The following ZFAND6 variants were observed in gnomAD, a reference collection of about 807,000 sequenced individuals.
The protein encoded by ZFAND6 is zinc finger AN1-type containing 6.
Under a neutral mutation model 24.5 loss-of-function variants are expected in ZFAND6, and 12 were observed. The ratio of observed to expected loss-of-function variants is 0.49; its 90% CI spans 0.31 to 0.79. The LOEUF (loss-of-function observed/expected upper bound fraction) is 0.79. Among genes scored for constraint, ZFAND6 ranks in the 30% least tolerant of loss-of-function variants. The pLI, the probability that ZFAND6 is intolerant of heterozygous loss-of-function variation, is 0.04. For missense variants in ZFAND6, 207 were observed against 245.9 expected, an observed-to-expected ratio of 0.84 and a Z score of 1.06; for synonymous variants, 92 against 81.5, an observed-to-expected ratio of 1.13 and a Z score of -0.69.
chr15:80,090,348 C>T (rs532999436), intron 1 of ZFAND6, among the ~76,000 whole-genome samples: 8 of 152,194 alleles, frequency 5.3e-5, no homozygotes, highest in Non-Finnish European at 1.0e-4. Context: ...TGGAGTCAGA[C>T]TCTCTGGGTT....
intron 1 of ZFAND6, among the ~76,000 whole-genome samples, chr15:80,080,387 A>AC (rs1392899378): frequency 1.3e-5 from 2 of 152,206 alleles, no homozygotes; most frequent in Admixed American, 6.5e-5. Context: ...ATGTTTGAAG[A>AC]CCCACTGTGG....
intron 1 of ZFAND6, among the ~76,000 whole-genome samples, chr15:80,082,415 C>G (rs139511594): frequency 6.6e-6 from 1 of 152,198 alleles, no homozygotes; most frequent in East Asian, 1.9e-4. Context: ...GACAAATTGA[C>G]AAAGGTTATG....
chr15:80,067,907 T>C (rs1214390889), intron 1 of ZFAND6, among the ~76,000 whole-genome samples: 4 of 152,170 alleles, frequency 2.6e-5, no homozygotes, highest in Non-Finnish European at 5.9e-5. Flanking sequence ...AGTAGTGATA[T>C]TTTACATGTA....
intron 2 of ZFAND6, chr15:80,111,601 A>G (rs999189283): frequency 6.7e-6 from 3 of 449,362 alleles, no homozygotes; most frequent in Non-Finnish European, 1.3e-5. Flanking sequence ...GCAATATAGG[A>G]TAAGTATATA....
At chr15:80,065,001 C>CTTTTTTTT (rs1567046368) in intron 1 of ZFAND6, among the ~76,000 whole-genome samples, 3 of 133,554 alleles carry the variant, frequency 2.2e-5, no homozygotes, top group African/African-American at 2.7e-5. Context: ...TCTCTCTCCC[C>CTTTTTTTT]CTTTTTTTTT....
intron 1 of ZFAND6, among the ~76,000 whole-genome samples, chr15:80,062,523 ATG>A (rs1294440802): frequency 4.0e-5 from 6 of 151,834 alleles, no homozygotes; most frequent in South Asian, 2.1e-4. Context: ...GTGTGTTTTT[ATG>A]TGTTTCATGT....
intron 1 of ZFAND6, among the ~76,000 whole-genome samples, chr15:80,079,293 T>C (rs1419592980): frequency 6.6e-6 from 1 of 152,022 alleles, no homozygotes; most frequent in Non-Finnish European, 1.5e-5. Flanking sequence ...CGATCTCGGC[T>C]CACTGCAAGC....
chr15:80,122,887 C>CT, intron 5 of ZFAND6, 87 bp downstream of exon 5: 1 of 900,296 alleles, frequency 1.1e-6, no homozygotes, highest in South Asian at 1.9e-5. Flanking sequence ...AAATTGCCAG[C>CT]TTAAAATACA....
At chr15:80,133,198 T>TG (rs1567102952) in intron 6 of ZFAND6, among the ~76,000 whole-genome samples, 1 of 95,374 alleles carries the variant, frequency 1.0e-5, no homozygotes, top group East Asian at 2.0e-4. Context: ...GTTTGTTTTT[T>TG]GTTTTTTTTT....
At chr15:80,094,467 C>T (rs942124040) in intron 1 of ZFAND6, among the ~76,000 whole-genome samples, 2 of 150,598 alleles carry the variant, frequency 1.3e-5, no homozygotes, top group Non-Finnish European at 3.0e-5. Context: ...ATCCCGCCCA[C>T]CCCTACCCCC....
intron 5 of ZFAND6, 31 bp from the exon 6 acceptor site, chr15:80,131,149 T>A: frequency 6.7e-7 from 1 of 1,501,428 alleles, no homozygotes; most frequent in African/African-American, 1.4e-5. Context: ...TACAGAATAA[T>A]TAAATTTTGC....
rs2037072636 is a variant in ZFAND6 at position 80,073,180 on chromosome 15, A to G, written c.-181+13371A>G. The G allele has an allele frequency of 1.7e-5, 3 of 178,332 alleles. No individual in the cohort carries two copies. The South Asian group carries it at 2.9e-4, about 17-fold the overall frequency. The allele number at this position is 178,332 out of a possible 1,614,324, so 11.0% of individuals were successfully genotyped here. A position where few individuals can be genotyped will look rare whatever the true frequency, so the allele number is the denominator to read the frequency against. ...ATTTTTAATATGCTTATAATTTTTA[A>G]TATGCTCATAATTAAAAAGGCCATT... On this transcript the variant is annotated intron_variant, in intron 1 of 6. Coordinates refer to ENST00000261749, the MANE Select transcript of ZFAND6 (RefSeq NM_019006.4).
chr15:80,118,850 C>T (rs187999221), intron 2 of ZFAND6, among the ~76,000 whole-genome samples: 159 of 152,236 alleles, frequency 1.0e-3, no homozygotes, highest in Non-Finnish European at 1.8e-3. Context: ...TATAAATCCT[C>T]ACTACCCATC....
chr15:80,069,781 G>A (rs1259464352), intron 1 of ZFAND6, among the ~76,000 whole-genome samples: 6 of 152,170 alleles, frequency 3.9e-5, no homozygotes, highest in Middle Eastern at 3.4e-3. Context: ...GCTAATTTTT[G>A]TAGTTCTAGT....
intron 1 of ZFAND6, among the ~76,000 whole-genome samples, chr15:80,070,299 TATACA>T (rs1488858619): frequency 1.3e-5 from 2 of 152,216 alleles, no homozygotes; most frequent in Admixed American, 1.3e-4. Context: ...CCACAAATAA[TATACA>T]ATACATCTTT....
At chr15:80,092,382 G>A (rs2038433975) in intron 1 of ZFAND6, among the ~76,000 whole-genome samples, 1 of 151,354 alleles carries the variant, frequency 6.6e-6, no homozygotes, top group South Asian at 2.1e-4. Context: ...GTTGCAGTGA[G>A]CCAAGATCGT....
chr15:80,117,228 T>C (rs1014128029), intron 2 of ZFAND6, among the ~76,000 whole-genome samples: 10 of 128,700 alleles, frequency 7.8e-5, no homozygotes, highest in African/African-American at 2.8e-4. Context: ...CTGAATACTC[T>C]TTTTTTTTTT....
At chr15:80,082,290 C>G (rs2037717819) in intron 1 of ZFAND6, among the ~76,000 whole-genome samples, 1 of 152,184 alleles carries the variant, frequency 6.6e-6, no homozygotes, top group Admixed American at 6.5e-5. Flanking sequence ...ACTTTAAGTT[C>G]TCACAATATC....
intron 6 of ZFAND6, chr15:80,131,590 G>A (rs1409737665): frequency 2.5e-6 from 1 of 394,966 alleles, no homozygotes; most frequent in Admixed American, 4.1e-5. Flanking sequence ...CTTTTAAGGA[G>A]AGAATATTTT....
Sources: gnomAD v4.1 joint callset for allele counts (sites outside exome capture counted in the v4.1 genomes callset) on GRCh38, gnomAD v4.1.1 for gene constraint, MANE v1.5 for transcripts, NCBI Gene and HGNC (gene_info 2026-07-23, HGNC 2026-07-21) for gene names.